The following SGCZ variants were observed in gnomAD, a reference collection of about 807,000 sequenced individuals.
The protein encoded by SGCZ is zeta-sarcoglycan.
SGCZ carries 40 observed loss-of-function variants against 41.3 expected under a neutral mutation model. The observed-to-expected ratio is 0.97, with a 90% CI of 0.75 to 1.26. The LOEUF is 1.26. SGCZ is among the 50% of genes most tolerant of loss of function. SGCZ has a pLI of 0.00. For missense variants in SGCZ, 552 were observed against 369.8 expected, an observed-to-expected ratio of 1.49 and a Z score of -4.04; for synonymous variants, 206 against 137.5, an observed-to-expected ratio of 1.50 and a Z score of -3.49.
chr8:15,034,926 C>T (rs1803819491), intron 1 of SGCZ, among the ~76,000 whole-genome samples: 1 of 152,044 alleles, frequency 6.6e-6, no homozygotes. Flanking sequence ...TAATTCAGTA[C>T]CATCGGACTT....
intron 1 of SGCZ, among the ~76,000 whole-genome samples, chr8:15,191,699 T>C (rs1372365990): frequency 6.6e-6 from 1 of 152,074 alleles, no homozygotes. Flanking sequence ...GAGCTTCAGC[T>C]GTAGAGATAA....
chr8:14,262,323 C>G (rs960052428), intron 3 of SGCZ, among the ~76,000 whole-genome samples: 1 of 152,056 alleles, frequency 6.6e-6, no homozygotes, highest in African/African-American at 2.4e-5. Context: ...AGTTGCCTTA[C>G]GTTGTTTAAA....
At chr8:14,800,078 A>G (rs2246794) in intron 1 of SGCZ, among the ~76,000 whole-genome samples, 81,478 of 150,946 alleles carry the variant, frequency 0.54, 22,028 homozygotes, top group East Asian at 0.73. Flanking sequence ...CTACCTATAA[A>G]GAATATTCTT....
At chr8:14,866,104 T>C (rs1215603289) in intron 1 of SGCZ, among the ~76,000 whole-genome samples, 1 of 152,140 alleles carries the variant, frequency 6.6e-6, no homozygotes, top group East Asian at 1.9e-4. Flanking sequence ...AAAAGAATCT[T>C]CACAGGTAAC....
intron 2 of SGCZ, among the ~76,000 whole-genome samples, chr8:14,492,615 T>A (rs1215281463): frequency 6.6e-6 from 1 of 152,184 alleles, no homozygotes; most frequent in African/African-American, 2.4e-5. Flanking sequence ...TCTGCTCAAA[T>A]TTCTCACTAA....
chr8:14,173,209 A>G (rs1310716198), intron 4 of SGCZ, among the ~76,000 whole-genome samples: 4 of 152,044 alleles, frequency 2.6e-5, no homozygotes, highest in African/African-American at 9.7e-5. Flanking sequence ...ATTCTTTCCT[A>G]AAATTACTAG....
At chr8:14,383,100 G>T (rs1479699621) in intron 2 of SGCZ, among the ~76,000 whole-genome samples, 2 of 152,142 alleles carry the variant, frequency 1.3e-5, no homozygotes, top group Non-Finnish European at 2.9e-5. Flanking sequence ...GGCATCTGTT[G>T]GGTCTGGCCC....
intron 1 of SGCZ, among the ~76,000 whole-genome samples, chr8:14,862,954 A>G (rs1803804983): frequency 2.0e-5 from 3 of 152,118 alleles, no homozygotes; most frequent in South Asian, 2.1e-4. Flanking sequence ...TATGCTTCAG[A>G]GTTGACTTAT....
chr8:14,748,121 G>C (rs1307767950), intron 1 of SGCZ, among the ~76,000 whole-genome samples: 1 of 152,064 alleles, frequency 6.6e-6, no homozygotes, highest in African/African-American at 2.4e-5. Flanking sequence ...CTTCCCGTGT[G>C]TCCAAGCTTC....
At chr8:14,197,917 T>C (rs894582165) in intron 4 of SGCZ, among the ~76,000 whole-genome samples, 5 of 152,168 alleles carry the variant, frequency 3.3e-5, no homozygotes, top group Middle Eastern at 3.4e-3. Flanking sequence ...AAAAAATATA[T>C]ATAAAGTTAC....
At chr8:14,579,037 C>CCAGTAATA (rs1453768454) in intron 1 of SGCZ, among the ~76,000 whole-genome samples, 1 of 152,030 alleles carries the variant, frequency 6.6e-6, no homozygotes, top group African/African-American at 2.4e-5. Context: ...ATCCATTCCT[C>CCAGTAATA]CAGTAATATC....
intron 1 of SGCZ, among the ~76,000 whole-genome samples, chr8:14,860,709 A>AAAGAAAGAAAGAAAGAAAGAAG (rs1491015456): frequency 5.0e-4 from 9 of 17,956 alleles, no homozygotes; most frequent in African/African-American, 4.6e-3. Flanking sequence ...AGAAAGAAAG[A>AAAGAAAGAAAGAAAGAAAGAAG]GAAAGAAAGA....
chr8:14,478,649 A>G lies in SGCZ; in HGVS notation c.234+76083T>C, dbSNP rs188157102. 5.1e-3 allele frequency among the ~76,000 whole-genome samples: 768 copies of G among 151,632 alleles called. 8 individuals are homozygous for G. The highest frequency in any genetic ancestry group is 0.018 in the African/African-American group (723 of 41,078). ...TTTTAAAAAATGAAACTGAAATTTAAAATAGAGTAACTAAGAGGGAATCTG... is the reference window on the plus strand; with the variant it reads ...TTTTAAAAAATGAAACTGAAATTTAGAATAGAGTAACTAAGAGGGAATCTG... On this transcript the variant is annotated intron_variant, in intron 2 of 7. Transcript: ENST00000382080.
At chr8:14,756,553 A>C (rs1456807300) in intron 1 of SGCZ, among the ~76,000 whole-genome samples, 2 of 152,100 alleles carry the variant, frequency 1.3e-5, no homozygotes, top group Non-Finnish European at 2.9e-5. Context: ...AATATGTTTC[A>C]AACTCTAACA....
At chr8:14,574,145 T>A (rs1337260730) in intron 1 of SGCZ, among the ~76,000 whole-genome samples, 2 of 152,170 alleles carry the variant, frequency 1.3e-5, no homozygotes, top group Non-Finnish European at 2.9e-5. Flanking sequence ...GATGCAGGTT[T>A]CATATAACCT....
At chr8:14,536,405 C>A (rs1394823602) in intron 2 of SGCZ, among the ~76,000 whole-genome samples, 1 of 151,780 alleles carries the variant, frequency 6.6e-6, no homozygotes, top group African/African-American at 2.4e-5. Context: ...ATTACAAAAA[C>A]CAAATGCTAT....
intron 4 of SGCZ, among the ~76,000 whole-genome samples, chr8:14,179,153 T>C (rs756195422): frequency 3.3e-5 from 5 of 152,210 alleles, no homozygotes; most frequent in African/African-American, 7.2e-5. Context: ...TTATGTAAGA[T>C]ACAAATTGTC....
chr8:14,427,093 T>TGAAC (rs112372594), intron 2 of SGCZ, among the ~76,000 whole-genome samples: 129 of 121,370 alleles, frequency 1.1e-3, no homozygotes, highest in African/African-American at 6.8e-3. Flanking sequence ...AATGAGTGAA[T>TGAAC]GAATGAATGA....
chr8:14,189,106 G>A lies in SGCZ; in HGVS notation c.425-24404C>T, dbSNP rs1368083248. The stretch of plus-strand genomic sequence containing the variant: ...ACTCCTGACCTCAGGCCATCCACCC[G>A]TCTCAGCCTCCCAACGTGCTGGGAT... On this transcript the variant is annotated intron_variant, in intron 4 of 7. Coordinates refer to ENST00000382080, the MANE Select transcript of SGCZ (RefSeq NM_139167.4). 2.0e-5 allele frequency among the ~76,000 whole-genome samples: 3 copies of A among 150,592 alleles called. No homozygotes were observed. The East Asian group carries it at 5.9e-4, about 30-fold the overall frequency.
Sources: allele counts gnomAD v4.1 joint callset (sites outside exome capture counted in the v4.1 genomes callset), GRCh38; gene constraint gnomAD v4.1.1; transcripts MANE v1.5; gene names NCBI Gene and HGNC (gene_info 2026-07-23, HGNC 2026-07-21).